COL9A1: variants seen among roughly 807,000 people sequenced by gnomAD.
The protein encoded by COL9A1 is collagen type IX alpha 1 chain.
In COL9A1, 104 loss-of-function variants were observed where a neutral mutation model predicts 142.6. The observed-to-expected ratio is 0.73, with a 90% CI of 0.62 to 0.86. The LOEUF is 0.86. Among genes scored for constraint, COL9A1 ranks in the 40% least tolerant of loss-of-function variants. The pLI, the probability that COL9A1 is intolerant of heterozygous loss-of-function variation, is 0.00. For synonymous variants in COL9A1, 466 were observed against 396.0 expected (o/e 1.18, Z -2.10); for missense variants, 1,210 against 1,176.6 (o/e 1.03, Z -0.42).
At chr6:70,267,969 T>C (rs901480076) in intron 17 of COL9A1, among the ~76,000 whole-genome samples, 6 of 152,254 alleles carry the variant, frequency 3.9e-5, no homozygotes, top group Admixed American at 1.3e-4. Context: ...TGTCCCAAAA[T>C]CACTTTAGAC....
At chr6:70,267,575 G>A (rs1772110953) in intron 17 of COL9A1, among the ~76,000 whole-genome samples, 1 of 152,108 alleles carries the variant, frequency 6.6e-6, no homozygotes, top group African/African-American at 2.4e-5. Context: ...ACCCACCTCG[G>A]CCTCCCAAAG....
At chr6:70,235,126 C>G (rs1397745868) in intron 33 of COL9A1, among the ~76,000 whole-genome samples, 186 bp from the exon 34 acceptor site, 1 of 152,216 alleles carries the variant, frequency 6.6e-6, no homozygotes, top group Non-Finnish European at 1.5e-5. Flanking sequence ...ACTTACCCAT[C>G]TTTTAGAAAT....
intron 12 of COL9A1, among the ~76,000 whole-genome samples, chr6:70,273,040 A>C (rs887452144): frequency 4.6e-5 from 7 of 152,166 alleles, no homozygotes; most frequent in African/African-American, 1.7e-4. Context: ...TAAAATATGA[A>C]TATACCAAGC....
intron 12 of COL9A1, among the ~76,000 whole-genome samples, chr6:70,273,220 C>A (rs1772519868): frequency 6.6e-6 from 1 of 152,098 alleles, no homozygotes; most frequent in Admixed American, 6.6e-5. Context: ...TAGGTCAATT[C>A]AGGAAGTAAG....
At chr6:70,279,979 A>G (rs772398463) in intron 10 of COL9A1, 1 of 693,944 alleles carries the variant, frequency 1.4e-6, no homozygotes, top group South Asian at 1.6e-5. Flanking sequence ...TTCTTACTTC[A>G]CTTCATATTC....
chr6:70,224,286 C>T (rs755482357), intron 37 of COL9A1, among the ~76,000 whole-genome samples: 2 of 152,140 alleles, frequency 1.3e-5, no homozygotes, highest in South Asian at 2.1e-4. Flanking sequence ...GCCCCGTTTG[C>T]GCCCCCCATC....
chr6:70,235,007 A>AT, intron 33 of COL9A1, 67 bp from the exon 34 acceptor site: 1 of 1,599,616 alleles, frequency 6.3e-7, no homozygotes, highest in Non-Finnish European at 8.5e-7. Context: ...TCATACTCAT[A>AT]TAAACACTTA....
intron 17 of COL9A1, 106 bp from the exon 18 acceptor site, chr6:70,266,876 G>T (rs1772050452): frequency 2.2e-6 from 2 of 905,036 alleles, no homozygotes; most frequent in East Asian, 2.4e-5. Flanking sequence ...GTATTACTAA[G>T]AAATGAGTTA....
intron 5 of COL9A1, among the ~76,000 whole-genome samples, chr6:70,288,791 C>G (rs1435051785): frequency 6.6e-6 from 1 of 152,148 alleles, no homozygotes; most frequent in Non-Finnish European, 1.5e-5. Flanking sequence ...GGCCCTCACT[C>G]AAGGCACTCC....
chr6:70,219,760 G>C (rs754729533), intron 37 of COL9A1, among the ~76,000 whole-genome samples: 1 of 152,116 alleles, frequency 6.6e-6, no homozygotes, highest in Non-Finnish European at 1.5e-5. Context: ...TTTCAAGAGA[G>C]GCCAGGAAGC....
rs199858681 is a variant in COL9A1, at chr6:70,274,092, A to C, written c.1030-10T>G. On this transcript the variant is annotated splice_polypyrimidine_tract_variant and intron_variant, in intron 11 of 37. Coordinates refer to ENST00000357250, the MANE Select transcript of COL9A1 (RefSeq NM_001851.6). Reference sequence around the variant, plus strand: ...GCACACCAGGTTCTCCCTAAAAATAAAAATAGTTTCATTGTACTGACCTTT... The same window carrying C: ...GCACACCAGGTTCTCCCTAAAAATACAAATAGTTTCATTGTACTGACCTTT... The C allele has an allele frequency of 1.9e-6, 3 of 1,588,322 alleles. No homozygotes were observed. The highest frequency in any genetic ancestry group is 2.6e-6 in the Non-Finnish European group (3 of 1,164,758).
In COL9A1 at chr6:70,294,237, C is replaced by T. The variant is rs571441243; in HGVS notation, c.626G>A (p.Arg209Lys). Residue 209 changes from arginine to lysine, a missense_variant, in exon 5 of 38, where the codon AGA becomes AAA. By Grantham distance (26) the Arg-to-Lys change is conservative. Coordinates refer to ENST00000357250, the MANE Select transcript of COL9A1 (RefSeq NM_001851.6). ...NRIESLPIKP[R>K]GPIDIDGFAV... ...AAAGCCATCAATGTCAATTGGGCCT[C>T]TTGGCTTTATAGGTAAAGATTCAAT... 8.7e-6 allele frequency: 14 copies of T among 1,614,062 alleles called. No individual in the cohort carries two copies. In the East Asian group the frequency reaches 1.1e-4, roughly 13 times the overall value.
intron 7 of COL9A1, among the ~76,000 whole-genome samples, chr6:70,282,683 C>G (rs571077296): frequency 4.6e-5 from 7 of 152,156 alleles, no homozygotes; most frequent in Non-Finnish European, 8.8e-5. Context: ...TAGGGAGGAC[C>G]CAGATTGGGG....
chr6:70,301,546 C>T (rs897290355), intron 2 of COL9A1, among the ~76,000 whole-genome samples: 1 of 152,118 alleles, frequency 6.6e-6, no homozygotes, highest in African/African-American at 2.4e-5. Context: ...CATTGCATTC[C>T]AGCCTAGGTG....
intron 33 of COL9A1, among the ~76,000 whole-genome samples, chr6:70,238,535 A>G (rs1025249795): frequency 6.6e-6 from 1 of 152,238 alleles, no homozygotes; most frequent in Non-Finnish European, 1.5e-5. Context: ...ACTAGAACAC[A>G]TCAGAGATTA....
At chr6:70,251,150 A>G (rs527800260) in intron 28 of COL9A1, among the ~76,000 whole-genome samples, 2 of 152,386 alleles carry the variant, frequency 1.3e-5, no homozygotes, top group South Asian at 4.1e-4. Context: ...CCACAATTAA[A>G]TATATTCAAG....
intron 6 of COL9A1, chr6:70,283,288 T>C: frequency 3.6e-6 from 5 of 1,391,820 alleles, no homozygotes; most frequent in Non-Finnish European, 9.4e-7. Context: ...ACGGATAGAA[T>C]GACAACAGTC....
chr6:70,249,035 A>G (rs1466429282), intron 28 of COL9A1, among the ~76,000 whole-genome samples: 1 of 152,106 alleles, frequency 6.6e-6, no homozygotes, highest in African/African-American at 2.4e-5. Context: ...GGAAAGAGGT[A>G]CGGAGAGTAT....
At position 70,234,794 on chromosome 6, in the gene COL9A1, C is replaced by T. The variant is rs760378269; in HGVS notation, c.2259G>A (p.Pro753=). 10 of 1,613,962 alleles carry T rather than the reference C, an allele frequency of 6.2e-6. No individual in the cohort carries two copies. Among genetic ancestry groups the T allele is most frequent in the East Asian group, 2.2e-5 (1 of 44,870 alleles). ...ATGLPGVQGP[P]GRAPTDQHIK... is the part of the protein sequence containing the mutation. ...ACCACAGAAGCTGCCCACCACTCACCGGAGGGCCCTGGACACCAGGCAGGC... is the reference window on the plus strand; with the variant it reads ...ACCACAGAAGCTGCCCACCACTCACTGGAGGGCCCTGGACACCAGGCAGGC... The change falls in exon 34 of 38, where the codon CCG becomes CCA. Residue 753 remains proline, a splice_region_variant and synonymous_variant. Coordinates refer to ENST00000357250, the MANE Select transcript of COL9A1 (RefSeq NM_001851.6).
Sources: allele counts gnomAD v4.1 joint callset (sites outside exome capture counted in the v4.1 genomes callset), GRCh38; gene constraint gnomAD v4.1.1; transcripts MANE v1.5; gene names NCBI Gene and HGNC (gene_info 2026-07-23, HGNC 2026-07-21).